Variants in ARMC3 observed in about 807,000 individuals in gnomAD.
ARMC3 encodes the protein armadillo repeat-containing protein 3.
ARMC3 carries 74 observed loss-of-function variants against 90.3 expected under a neutral mutation model. The observed-to-expected ratio is 0.82, with a 90% CI of 0.68 to 0.99. The LOEUF (loss-of-function observed/expected upper bound fraction) is 0.99, where lower values mean the gene tolerates loss of function less well. Ranked by LOEUF, ARMC3 falls within the 50% of genes least tolerant of loss-of-function variation. The probability of loss-of-function intolerance (pLI) is 0.00; values close to 1 mark genes in which losing one functional copy is unlikely to be tolerated. For missense variants in ARMC3, 958 were observed against 1,042.8 expected (o/e 0.92, Z 1.12); for synonymous variants, 334 against 361.8 (o/e 0.92, Z 0.87).
At chr10:22,998,105 TGAA>T (rs1416858680) in intron 10 of ARMC3, 40 bp from the exon 11 acceptor site, 1 of 1,595,424 alleles carries the variant, frequency 6.3e-7, no homozygotes, top group South Asian at 1.1e-5. Context: ...GATAATTTTT[TGAA>T]TTCAGATGAA....
At chr10:23,002,548 C>CTCTTTCTT (rs137938291) in intron 12 of ARMC3, among the ~76,000 whole-genome samples, 115 of 147,566 alleles carry the variant, frequency 7.8e-4, no homozygotes, top group African/African-American at 2.6e-3. Context: ...CATTTCTTTT[C>CTCTTTCTT]TCTTTCTTTC....
intron 16 of ARMC3, chr10:23,014,447 C>A (rs2131513262): frequency 9.4e-7 from 1 of 1,067,642 alleles, no homozygotes. Context: ...ACTTTGGACT[C>A]CTGGAAATAG....
intron 2 of ARMC3, among the ~76,000 whole-genome samples, chr10:22,942,056 A>G (rs1012709909): frequency 6.6e-6 from 1 of 152,216 alleles, no homozygotes; most frequent in Non-Finnish European, 1.5e-5. Flanking sequence ...AAAGACAGAG[A>G]GACAAGGAGG....
Position 23,008,294 on chromosome 10 carries a change from G to A in ARMC3, c.1848G>A (p.Met616Ile). ...ATTTTAGTTCTCCACCTTCATCTAT[G>A]GAAGATAAATCAGATGTTGGTTATG... ...SKSYVSPPSS[M>I]EDKSDVGYGR... The change falls in exon 15 of 19, where the codon ATG becomes ATA. Residue 616 changes from methionine (M) to isoleucine (I), a missense_variant. Met to Ile is a conservative substitution (Grantham distance 10). Transcript: ENST00000298032. 6.5e-7 allele frequency: 1 copy of A among 1,538,220 alleles called. No individual in the cohort carries two copies. Among genetic ancestry groups the A allele is most frequent in the Non-Finnish European group, 8.9e-7 (1 of 1,129,342 alleles).
intron 16 of ARMC3, among the ~76,000 whole-genome samples, chr10:23,012,403 C>T (rs1207325277): frequency 6.6e-6 from 1 of 152,078 alleles, no homozygotes; most frequent in Non-Finnish European, 1.5e-5. Flanking sequence ...AGGAGTAGTA[C>T]TCCTGTTCCT....
intron 16 of ARMC3, among the ~76,000 whole-genome samples, chr10:23,027,726 A>T (rs1183506110): frequency 1.3e-5 from 2 of 152,004 alleles, no homozygotes; most frequent in Non-Finnish European, 2.9e-5. Flanking sequence ...TTCTTTATTC[A>T]ATGTGTTTTT....
intron 10 of ARMC3, among the ~76,000 whole-genome samples, chr10:22,982,688 A>C (rs1477705031): frequency 6.6e-6 from 1 of 152,216 alleles, no homozygotes; most frequent in Non-Finnish European, 1.5e-5. Flanking sequence ...AATTTATTGA[A>C]GGCAGCTTCC....
intron 10 of ARMC3, among the ~76,000 whole-genome samples, chr10:22,988,662 C>CA (rs1284653934): frequency 6.6e-6 from 1 of 152,116 alleles, no homozygotes; most frequent in Non-Finnish European, 1.5e-5. Flanking sequence ...TTAAAGTTAG[C>CA]AAAATACAAA....
At chr10:23,029,759 C>T (rs1206782571) in intron 16 of ARMC3, among the ~76,000 whole-genome samples, 1 of 152,132 alleles carries the variant, frequency 6.6e-6, no homozygotes, top group Non-Finnish European at 1.5e-5. Context: ...ATTAAAATTT[C>T]ATCTTTATTA....
At chr10:23,033,208 A>T (rs12269590) in intron 18 of ARMC3, among the ~76,000 whole-genome samples, 185 bp downstream of exon 18, 20,172 of 152,104 alleles carry the variant, frequency 0.13, 2,048 homozygotes, top group African/African-American at 0.29. Flanking sequence ...TATGAATATA[A>T]ACATGCATAT....
intron 16 of ARMC3, among the ~76,000 whole-genome samples, chr10:23,010,088 A>G (rs7914172): frequency 0.87 from 132,340 of 151,632 alleles, 58,142 homozygotes; most frequent in Non-Finnish European, 0.92. Flanking sequence ...CTACTCATCC[A>G]TCCCTGTGGT....
chr10:23,008,559 C>T (rs1211096599), intron 15 of ARMC3, among the ~76,000 whole-genome samples, 185 bp downstream of exon 15: 1 of 152,192 alleles, frequency 6.6e-6, no homozygotes, highest in Non-Finnish European at 1.5e-5. Flanking sequence ...AATCTGGTTT[C>T]ACCTTCTATT....
chr10:22,950,291 G>A (rs1340735854), intron 3 of ARMC3, among the ~76,000 whole-genome samples: 1 of 151,944 alleles, frequency 6.6e-6, no homozygotes, highest in Non-Finnish European at 1.5e-5. Flanking sequence ...CATATATTGT[G>A]CAACTTGAAA....
chr10:23,002,128 A>G (rs1837322971), intron 12 of ARMC3, 73 bp downstream of exon 12: 2 of 1,530,876 alleles, frequency 1.3e-6, no homozygotes, highest in Admixed American at 3.9e-5. Context: ...CTTTAGGCCC[A>G]AGGAATTTCA....
intron 16 of ARMC3, among the ~76,000 whole-genome samples, chr10:23,026,662 G>T (rs537323376): frequency 3.3e-5 from 5 of 152,212 alleles, no homozygotes; most frequent in African/African-American, 1.2e-4. Context: ...AATGGTAAAA[G>T]ACTGCAAACA....
chr10:22,959,212 A>C, intron 5 of ARMC3, 74 bp downstream of exon 5: 1 of 1,425,366 alleles, frequency 7.0e-7, no homozygotes, highest in South Asian at 1.2e-5. Context: ...TATATTGAAA[A>C]TCATTCATGA....
At chr10:22,993,975 A>G (rs959907817) in intron 10 of ARMC3, among the ~76,000 whole-genome samples, 3 of 152,220 alleles carry the variant, frequency 2.0e-5, no homozygotes, top group Non-Finnish European at 4.4e-5. Context: ...TTTGAATGAA[A>G]AATCTGCTGA....
At chr10:22,983,308 G>T (rs960519680) in intron 10 of ARMC3, among the ~76,000 whole-genome samples, 11 of 152,094 alleles carry the variant, frequency 7.2e-5, no homozygotes, top group Non-Finnish European at 1.3e-4. Context: ...AATTAGGATG[G>T]TAAGTAGTTC....
intron 16 of ARMC3, among the ~76,000 whole-genome samples, chr10:23,026,316 A>T (rs1190895157): frequency 6.6e-6 from 1 of 152,092 alleles, no homozygotes; most frequent in Non-Finnish European, 1.5e-5. Flanking sequence ...ATTCCTCATG[A>T]ACATAGATCC....
Sources: gnomAD v4.1 joint callset for allele counts (sites outside exome capture counted in the v4.1 genomes callset) on GRCh38, gnomAD v4.1.1 for gene constraint, MANE v1.5 for transcripts, NCBI Gene and HGNC (gene_info 2026-07-23, HGNC 2026-07-21) for gene names.